Variants in CACNA2D3 observed in about 807,000 individuals in gnomAD.
CACNA2D3 encodes voltage-dependent calcium channel subunit alpha-2/delta-3.
Under a neutral mutation model 160.6 loss-of-function variants are expected in CACNA2D3, and 60 were observed. That is an observed-to-expected ratio of 0.37 (90% confidence interval 0.30 to 0.46). The LOEUF (loss-of-function observed/expected upper bound fraction) is 0.46, where lower values mean the gene tolerates loss of function less well. Among genes scored for constraint, CACNA2D3 ranks in the 20% least tolerant of loss-of-function variants. The pLI is 1.00. For synonymous variants in CACNA2D3, 558 were observed against 492.9 expected (o/e 1.13, Z -1.75); for missense variants, 1,205 against 1,365.0 (o/e 0.88, Z 1.85).
chr3:54,639,024 C>A (rs1699443390), intron 10 of CACNA2D3: 1 of 151,856 alleles, frequency 6.6e-6, no homozygotes, highest in South Asian at 2.1e-4. Flanking sequence ...TTCTTCCCCT[C>A]CAGAAAAGCA....
intron 11 of CACNA2D3, among the ~76,000 whole-genome samples, chr3:54,678,454 G>A (rs1238132263): frequency 1.3e-5 from 2 of 152,098 alleles, no homozygotes; most frequent in Non-Finnish European, 2.9e-5. Flanking sequence ...CGGGCGCGGT[G>A]GCTCACGCCT....
chr3:54,749,126 A>G (rs914778742), intron 11 of CACNA2D3, among the ~76,000 whole-genome samples: 30 of 152,234 alleles, frequency 2.0e-4, no homozygotes, highest in Non-Finnish European at 4.0e-4. Context: ...ATCTTTAATT[A>G]TTAAAGCAAT....
At chr3:54,795,565 C>A (rs911655207) in intron 13 of CACNA2D3, among the ~76,000 whole-genome samples, 1 of 152,178 alleles carries the variant, frequency 6.6e-6, no homozygotes, top group Non-Finnish European at 1.5e-5. Flanking sequence ...ACCTATATAT[C>A]ACCTTGGCCC....
intron 8 of CACNA2D3, among the ~76,000 whole-genome samples, chr3:54,571,330 G>T (rs545494546): frequency 2.0e-5 from 3 of 152,252 alleles, no homozygotes; most frequent in Admixed American, 2.0e-4. Flanking sequence ...CCGGAGAGGT[G>T]TAAGGAGGCA....
chr3:54,729,614 A>G (rs1701346461), intron 11 of CACNA2D3, among the ~76,000 whole-genome samples: 1 of 152,204 alleles, frequency 6.6e-6, no homozygotes, highest in East Asian at 1.9e-4. Flanking sequence ...TGTTATCAAT[A>G]AGAGTATTGC....
intron 21 of CACNA2D3, among the ~76,000 whole-genome samples, chr3:54,884,664 A>T (rs1350736543): frequency 6.6e-6 from 1 of 152,212 alleles, no homozygotes; most frequent in African/African-American, 2.4e-5. Flanking sequence ...AAACTCCCAG[A>T]TTCCATGCAA....
At chr3:54,779,068 T>C (rs1171645282) in intron 13 of CACNA2D3, among the ~76,000 whole-genome samples, 2 of 152,166 alleles carry the variant, frequency 1.3e-5, no homozygotes, top group Non-Finnish European at 1.5e-5. Context: ...TGCCCACCGT[T>C]ATGATGTTAC....
At chr3:54,286,885 T>G (rs969014123) in intron 2 of CACNA2D3, among the ~76,000 whole-genome samples, 1 of 152,142 alleles carries the variant, frequency 6.6e-6, no homozygotes, top group Admixed American at 6.5e-5. Context: ...GCTGAGAGAT[T>G]CTGTCACCAC....
chr3:54,513,599 C>T (rs1701493765), intron 5 of CACNA2D3, among the ~76,000 whole-genome samples: 1 of 152,206 alleles, frequency 6.6e-6, no homozygotes, highest in African/African-American at 2.4e-5. Flanking sequence ...CCGGGCTCCA[C>T]ACTGCCTCCC....
intron 2 of CACNA2D3, among the ~76,000 whole-genome samples, chr3:54,162,077 TG>T (rs1700356647): frequency 6.6e-6 from 1 of 152,188 alleles, no homozygotes; most frequent in Non-Finnish European, 1.5e-5. Flanking sequence ...AGCCTCGGTC[TG>T]AAGGCGAGGA....
chr3:54,984,268 A>C (rs1702567720), intron 29 of CACNA2D3, among the ~76,000 whole-genome samples: 1 of 152,086 alleles, frequency 6.6e-6, no homozygotes, highest in Admixed American at 6.6e-5. Context: ...GCTTCTGAGC[A>C]CTTTGTTCCT....
At chr3:54,795,529 G>A (rs1559584457) in intron 13 of CACNA2D3, among the ~76,000 whole-genome samples, 2 of 152,194 alleles carry the variant, frequency 1.3e-5, no homozygotes, top group African/African-American at 4.8e-5. Context: ...GGAATGTTGA[G>A]TTTTGTTCTG....
intron 6 of CACNA2D3, among the ~76,000 whole-genome samples, chr3:54,563,188 C>T (rs1353030483): frequency 6.6e-6 from 1 of 152,150 alleles, no homozygotes; most frequent in Non-Finnish European, 1.5e-5. Context: ...AGAGCTGTCA[C>T]CAAATGTGAA....
intron 2 of CACNA2D3, among the ~76,000 whole-genome samples, chr3:54,289,568 A>G (rs182796608): frequency 0.021 from 3,154 of 152,264 alleles, 102 homozygotes; most frequent in African/African-American, 0.071. Flanking sequence ...TTTAAAGTTC[A>G]TATGGAACCA....
At chr3:54,806,141 A>G (rs537678384) in intron 13 of CACNA2D3, among the ~76,000 whole-genome samples, 2 of 152,244 alleles carry the variant, frequency 1.3e-5, no homozygotes, top group Admixed American at 6.5e-5. Context: ...GAAAACTGAC[A>G]CAAGACAGAG....
chr3:54,359,563 C>G (rs899101252), intron 3 of CACNA2D3, among the ~76,000 whole-genome samples: 4 of 152,172 alleles, frequency 2.6e-5, no homozygotes, highest in African/African-American at 4.8e-5. Flanking sequence ...TATGGGAGTT[C>G]TCCAAGATAT....
At chr3:54,854,260 AAAAG>A (rs1347004687) in intron 17 of CACNA2D3, among the ~76,000 whole-genome samples, 2 of 152,202 alleles carry the variant, frequency 1.3e-5, no homozygotes, top group African/African-American at 2.4e-5. Flanking sequence ...TGGTTTGAAA[AAAAG>A]AAAGAAAAAG....
chr3:54,590,515 A>G (rs1045414604), intron 9 of CACNA2D3, among the ~76,000 whole-genome samples: 1 of 152,126 alleles, frequency 6.6e-6, no homozygotes, highest in African/African-American at 2.4e-5. Flanking sequence ...GATCATATCA[A>G]TGTCAGTATC....
At chr3:54,243,740 C>G (rs1466912348) in intron 2 of CACNA2D3, among the ~76,000 whole-genome samples, 1 of 152,184 alleles carries the variant, frequency 6.6e-6, no homozygotes, top group Non-Finnish European at 1.5e-5. Flanking sequence ...CTTCAAACAA[C>G]TGGGCAAAAA....
Sources: gnomAD v4.1 joint callset for allele counts (sites outside exome capture counted in the v4.1 genomes callset) on GRCh38, gnomAD v4.1.1 for gene constraint, MANE v1.5 for transcripts, NCBI Gene and HGNC (gene_info 2026-07-23, HGNC 2026-07-21) for gene names.